Variants in SYNE1 observed in about 807,000 individuals in gnomAD.
The protein encoded by SYNE1 is spectrin repeat containing nuclear envelope protein 1.
In SYNE1, 616 loss-of-function variants were observed where a neutral mutation model predicts 1,111.0. That is an observed-to-expected ratio of 0.55 (90% CI 0.52 to 0.59). The LOEUF (loss-of-function observed/expected upper bound fraction) is 0.59, where lower values mean the gene tolerates loss of function less well. Among genes scored for constraint, SYNE1 ranks in the 20% least tolerant of loss-of-function variants. SYNE1 has a pLI of 0.00. For missense variants in SYNE1, 10,006 were observed against 10,417.0 expected, an observed-to-expected ratio of 0.96 and a Z score of 1.72; for synonymous variants, 3,855 against 3,825.8, an observed-to-expected ratio of 1.01 and a Z score of -0.28.
intron 145 of SYNE1, chr6:152,126,470 C>T (rs1463436359): frequency 6.6e-6 from 1 of 152,190 alleles, no homozygotes; most frequent in East Asian, 1.9e-4. Context: ...TCATTCTCCT[C>T]TGGTCTTATT....
intron 3 of SYNE1, among the ~76,000 whole-genome samples, chr6:152,619,856 A>C (rs780212990): frequency 6.6e-6 from 1 of 152,018 alleles, no homozygotes; most frequent in Non-Finnish European, 1.5e-5. Context: ...GAAAGAAGAG[A>C]CGTCTTACTC....
chr6:152,542,787 T>G (rs1360448921), intron 3 of SYNE1, among the ~76,000 whole-genome samples: 1 of 152,138 alleles, frequency 6.6e-6, no homozygotes, highest in Non-Finnish European at 1.5e-5. Context: ...TTAGGTTGTA[T>G]AAATAAAGTT....
At chr6:152,617,849 G>T (rs1407999147) in intron 3 of SYNE1, among the ~76,000 whole-genome samples, 1 of 152,170 alleles carries the variant, frequency 6.6e-6, no homozygotes, top group Admixed American at 6.6e-5. Flanking sequence ...AAAGGCAAAA[G>T]GTAAAAAGAA....
Position 152,156,009 on chromosome 6 carries a change from C to T in SYNE1, c.23879G>A (p.Cys7960Tyr), listed in dbSNP as rs1405844052. The T allele has an allele frequency of 6.2e-7, 1 of 1,614,210 alleles. No individual in the cohort carries two copies. The highest frequency in any genetic ancestry group is 8.5e-7 in the Non-Finnish European group (1 of 1,180,040). ...AGAGTCACACTCGGCATCAGTGGCA[C>T]AGGCGTCACAGTCGTGCAGCAGGAC... The part of the protein sequence containing the change: ...CEVLLHDCDA[C>Y]ATDAECDSIQ... Residue 7960 changes from cysteine to tyrosine, a missense_variant, in exon 132 of 146, where the codon TGT (cysteine) becomes TAT (tyrosine). Transcript: ENST00000367255.
chr6:152,347,041 T>C lies in SYNE1; in HGVS notation c.12078+18A>G, dbSNP rs1344101284. ...CCCATAATTCCTTGTCACTGTGGAA[T>C]GTTCTGGGGGCACTCACCCTCTGAG... On this transcript the variant is annotated intron_variant, in intron 73 of 145. Coordinates refer to ENST00000367255, the MANE Select transcript of SYNE1 (RefSeq NM_182961.4). 1.2e-6 allele frequency: 2 copies of C among 1,613,550 alleles called. No homozygotes were observed. The highest frequency in any genetic ancestry group is 2.2e-5 in the East Asian group (1 of 44,882).
At chr6:152,572,198 T>C (rs968508929) in intron 3 of SYNE1, among the ~76,000 whole-genome samples, 2 of 152,238 alleles carry the variant, frequency 1.3e-5, no homozygotes, top group Admixed American at 1.3e-4. Context: ...AGCATTTTAC[T>C]GTAATGAAGT....
Position 152,198,673 on chromosome 6 carries a change from G to C in SYNE1, c.23145+3151C>G, listed in dbSNP as rs571317339. Among the ~76,000 whole-genome samples, 231 of 152,210 alleles carry C rather than the reference G, an allele frequency of 1.5e-3. 1 individual carries two copies. Among genetic ancestry groups the C allele is most frequent in the Middle Eastern group, 0.01 (3 of 294 alleles). Reference sequence around the variant, plus strand: ...CTAATTTCAATATTGTTGTGTCTCAGCAAATAAGGAGGCCAGAGGAGAAGG... The same window carrying C: ...CTAATTTCAATATTGTTGTGTCTCACCAAATAAGGAGGCCAGAGGAGAAGG... On this transcript the variant is annotated intron_variant, in intron 127 of 145. Coordinates refer to ENST00000367255, the MANE Select transcript of SYNE1 (RefSeq NM_182961.4).
intron 3 of SYNE1, among the ~76,000 whole-genome samples, chr6:152,564,028 GACAA>G (rs148233379): frequency 0.019 from 2,846 of 152,228 alleles, 97 homozygotes; most frequent in African/African-American, 0.065. Context: ...CCTTACAAAA[GACAA>G]ACAAATATAG....
chr6:152,585,180 G>A (rs1010720342), intron 3 of SYNE1, among the ~76,000 whole-genome samples: 3 of 152,278 alleles, frequency 2.0e-5, no homozygotes, highest in South Asian at 2.1e-4. Flanking sequence ...GAAGAAGAAC[G>A]TGTTTGCTTC....
chr6:152,571,098 CA>C (rs2128309204), intron 3 of SYNE1, among the ~76,000 whole-genome samples: 1 of 152,304 alleles, frequency 6.6e-6, no homozygotes, highest in South Asian at 2.1e-4. Context: ...AGATATTTTT[CA>C]ATTGACAACT....
intron 11 of SYNE1, among the ~76,000 whole-genome samples, chr6:152,495,981 G>A (rs1183305767): frequency 6.6e-6 from 1 of 152,146 alleles, no homozygotes; most frequent in Non-Finnish European, 1.5e-5. Flanking sequence ...AGGAGTCTGG[G>A]TACAAGACAC....
intron 3 of SYNE1, among the ~76,000 whole-genome samples, chr6:152,581,759 C>G (rs190417621): frequency 6.6e-6 from 1 of 152,246 alleles, no homozygotes; most frequent in East Asian, 1.9e-4. Flanking sequence ...CTGGCTCGCT[C>G]CAGACTCACT....
intron 115 of SYNE1, among the ~76,000 whole-genome samples, chr6:152,229,503 G>T (rs1382372546): frequency 6.6e-6 from 1 of 152,034 alleles, no homozygotes; most frequent in African/African-American, 2.4e-5. Context: ...AAGTAACATG[G>T]ATACTTCCTA....
intron 49 of SYNE1, among the ~76,000 whole-genome samples, chr6:152,397,206 A>C (rs535246365): frequency 9.9e-5 from 15 of 152,284 alleles, no homozygotes; most frequent in African/African-American, 3.6e-4. Context: ...CTGAGCTGGA[A>C]CCGAGGACGT....
rs1023433513 is a variant in SYNE1, at chr6:152,526,157, C to T, written c.148G>A (p.Val50Met). ...TTCATGTCTTCAAAAAGATCGTCCA[C>T]CACCATTGGAGGTTTCCGCTGTAAA... ...HLAKRKPPMV[V>M]DDLFEDMKDG... is the part of the protein sequence containing the mutation. The change falls in exon 5 of 146, where the codon GTG (valine) becomes ATG (methionine). Residue 50 changes from valine to methionine, a missense_variant. By Grantham distance (21) the Val-to-Met change is conservative. Around this residue, in one of 7 missense-constraint regions of SYNE1, gnomAD observed 1,971 missense variants for 2,084.1 expected, o/e 0.95. Coordinates refer to ENST00000367255, the MANE Select transcript of SYNE1 (RefSeq NM_182961.4). 1.9e-6 allele frequency: 3 copies of T among 1,614,130 alleles called. No homozygotes were observed. Among genetic ancestry groups the T allele is most frequent in the Middle Eastern group, 1.6e-4 (1 of 6,062 alleles).
chr6:152,398,232 C>G (rs2097765254), intron 49 of SYNE1, among the ~76,000 whole-genome samples: 1 of 152,124 alleles, frequency 6.6e-6, no homozygotes, highest in Non-Finnish European at 1.5e-5. Context: ...TCTCCTATCT[C>G]TAACTATAGA....
intron 17 of SYNE1, among the ~76,000 whole-genome samples, 178 bp downstream of exon 17, chr6:152,465,803 TA>T (rs1282590828): frequency 2.4e-5 from 3 of 127,374 alleles, no homozygotes; most frequent in Admixed American, 7.8e-5. Context: ...ACACAATGAT[TA>T]TGCAGGTTAG....
rs781532211 is a variant in SYNE1, at chr6:152,352,390, G to GTTTCT, written c.11254-42_11254-38dup. The GTTTCT allele has an allele frequency of 5.1e-6, 8 of 1,579,410 alleles. No individual in the cohort carries two copies. The Admixed American group carries it at 7.2e-5, about 14-fold the overall frequency. ...AGTGAGTAGGAGCAAAGGTAGTCTT[G>GTTTCT]TTTCTTTTCTTTTCTTTCTTTTTTT... On this transcript the variant is annotated intron_variant, in intron 69 of 145. Transcript: ENST00000367255.
At chr6:152,575,323 T>A (rs574925561) in intron 3 of SYNE1, among the ~76,000 whole-genome samples, 1 of 152,214 alleles carries the variant, frequency 6.6e-6, no homozygotes, top group Non-Finnish European at 1.5e-5. Flanking sequence ...TCTGTCAAAA[T>A]GTGTTTCATG....
Sources: gnomAD v4.1 joint callset for allele counts (sites outside exome capture counted in the v4.1 genomes callset) on GRCh38, gnomAD v4.1.1 for gene constraint, gnomAD v4.1.1 regional missense constraint, MANE v1.5 for transcripts, NCBI Gene and HGNC (gene_info 2026-07-23, HGNC 2026-07-21) for gene names.